Variants in GPHN observed in about 807,000 individuals in gnomAD.
GPHN encodes the protein gephyrin.
GPHN carries 17 observed loss-of-function variants against 95.5 expected under a neutral mutation model. The observed-to-expected ratio is 0.18, with a 90% CI of 0.12 to 0.27. GPHN has a LOEUF of 0.27. Among genes scored for constraint, GPHN ranks in the 10% least tolerant of loss-of-function variants. The pLI is 1.00. For missense variants in GPHN, 660 were observed against 978.1 expected, an observed-to-expected ratio of 0.67 and a Z score of 4.34; for synonymous variants, 320 against 322.5, an observed-to-expected ratio of 0.99 and a Z score of 0.08.
chr14:66,641,634 C>A, intron 1 of GPHN, among the ~76,000 whole-genome samples: 1 of 148,654 alleles, frequency 6.7e-6, no homozygotes. Context: ...CCATCAATAG[C>A]TGATAGAACA....
rs2060327278 is a variant in GPHN, at chr14:66,562,996, A to G, written c.64+54405A>G. 2.0e-5 allele frequency among the ~76,000 whole-genome samples: 3 copies of G among 151,986 alleles called. 1 individual carries two copies. Among genetic ancestry groups the G allele is most frequent in the Middle Eastern group, 6.3e-3 (2 of 316 alleles). Reference sequence around the variant, plus strand: ...TACTCTGAATTCCTTGATGTGTAAGATATATTCACAGGTTCTAGAGATTAG... The same window carrying G: ...TACTCTGAATTCCTTGATGTGTAAGGTATATTCACAGGTTCTAGAGATTAG... On this transcript the variant is annotated intron_variant, in intron 1 of 22. Transcript: ENST00000478722.
At chr14:67,266,591 G>A in the GPHN span, among the ~76,000 whole-genome samples, 2 of 152,108 alleles carry the variant, frequency 1.3e-5, no homozygotes, top group African/African-American at 4.8e-5. Context: ...CTCCCAAAGT[G>A]TTGGGATTAC....
the GPHN span, among the ~76,000 whole-genome samples, chr14:67,237,106 T>TTA: frequency 2.6e-4 from 39 of 151,196 alleles, no homozygotes; most frequent in African/African-American, 5.8e-4. Context: ...CGAAAATATA[T>TTA]TATATATATA....
the GPHN span, among the ~76,000 whole-genome samples, chr14:67,289,119 G>A: frequency 2.1e-5 from 3 of 141,494 alleles, no homozygotes; most frequent in East Asian, 2.1e-4. Flanking sequence ...GGAGCACACC[G>A]CCATAACTGG....
chr14:67,122,243 T>C lies in GPHN; in HGVS notation c.1627-13T>C, dbSNP rs779444753. On this transcript the variant is annotated splice_polypyrimidine_tract_variant and intron_variant, in intron 16 of 22. Coordinates refer to ENST00000478722, the MANE Select transcript of GPHN (RefSeq NM_020806.5). Reference sequence around the variant, plus strand: ...CTAATAGAATAATTTGTGGTGGTTTTTTGGCTTTGTAGCTGCTAAATCCTG... The same window carrying C: ...CTAATAGAATAATTTGTGGTGGTTTCTTGGCTTTGTAGCTGCTAAATCCTG... 1 of 1,613,274 alleles carries C rather than the reference T, an allele frequency of 6.2e-7. No homozygotes were observed. Among genetic ancestry groups the C allele is most frequent in the Non-Finnish European group, 8.5e-7 (1 of 1,179,250 alleles).
the GPHN span, chr14:67,555,691 C>A: frequency 7.7e-6 from 10 of 1,306,602 alleles, no homozygotes; most frequent in Non-Finnish European, 1.1e-5. Context: ...CCCTGACACT[C>A]TCGAGCCACT....
At chr14:67,009,099 T>G (rs1308464052) in intron 9 of GPHN, among the ~76,000 whole-genome samples, 1 of 152,240 alleles carries the variant, frequency 6.6e-6, no homozygotes, top group Non-Finnish European at 1.5e-5. Flanking sequence ...TGTGCTTCTT[T>G]TCCCTTTCCT....
Position 67,129,890 on chromosome 14 carries a change from A to G in GPHN, c.1748+7513A>G, listed in dbSNP as rs539755786. Among the ~76,000 whole-genome samples, 8 of 151,940 alleles carry G rather than the reference A, an allele frequency of 5.3e-5. No homozygotes were observed. The South Asian group carries it at 1.7e-3, about 32-fold the overall frequency. On this transcript the variant is annotated intron_variant, in intron 17 of 22. Coordinates refer to ENST00000478722, the MANE Select transcript of GPHN (RefSeq NM_020806.5). ...AGGGAGGAAGGCAGGAAGAAAGAGAAAGAAAGAAAGTCTTTAATGTTACCC... is the reference window on the plus strand; with the variant it reads ...AGGGAGGAAGGCAGGAAGAAAGAGAGAGAAAGAAAGTCTTTAATGTTACCC...
the GPHN span, among the ~76,000 whole-genome samples, chr14:67,499,339 C>T: frequency 6.6e-6 from 1 of 152,160 alleles, no homozygotes; most frequent in Admixed American, 6.6e-5. Flanking sequence ...GGTACACAGA[C>T]AATGTAGTCA....
At chr14:67,290,538 T>G in the GPHN span, among the ~76,000 whole-genome samples, 1 of 152,198 alleles carries the variant, frequency 6.6e-6, no homozygotes, top group Non-Finnish European at 1.5e-5. Context: ...CCACAATGCC[T>G]GGCTAATATT....
At chr14:66,618,813 G>A (rs573703312) in intron 1 of GPHN, among the ~76,000 whole-genome samples, 2 of 152,096 alleles carry the variant, frequency 1.3e-5, no homozygotes, top group South Asian at 4.1e-4. Context: ...ATGGTTTTAT[G>A]TATTATTCAT....
At chr14:67,619,816 G>C in the GPHN span, 2 of 562,018 alleles carry the variant, frequency 3.6e-6, no homozygotes, top group South Asian at 4.3e-5. Context: ...GGTGTGCCGG[G>C]GGCTGGTTGG....
the GPHN span, chr14:67,199,356 G>A: frequency 6.2e-7 from 1 of 1,613,992 alleles, no homozygotes. Flanking sequence ...CTGGATGTAG[G>A]GGCCAACATT....
chr14:66,552,843 T>C (rs2059866036), intron 1 of GPHN, among the ~76,000 whole-genome samples: 2 of 152,186 alleles, frequency 1.3e-5, no homozygotes, highest in South Asian at 4.1e-4. Context: ...GTCCCTTTTC[T>C]GGCTGCTTTC....
chr14:66,592,795 C>T (rs1056330590), intron 1 of GPHN, among the ~76,000 whole-genome samples: 6 of 152,216 alleles, frequency 3.9e-5, no homozygotes, highest in Admixed American at 3.3e-4. Flanking sequence ...AGTCCCATTA[C>T]TGGGTATATA....
the GPHN span, chr14:67,620,214 C>G: frequency 2.4e-6 from 1 of 420,550 alleles, no homozygotes; most frequent in South Asian, 2.1e-5. Flanking sequence ...AGGGGAAGAG[C>G]TGGCCGGTTC....
At chr14:66,780,067 T>C (rs1474562685) in intron 3 of GPHN, among the ~76,000 whole-genome samples, 3 of 152,134 alleles carry the variant, frequency 2.0e-5, no homozygotes, top group Non-Finnish European at 4.4e-5. Flanking sequence ...TGATAACTTA[T>C]TGGATGTTTA....
chr14:66,947,812 G>A (rs1432146076), intron 8 of GPHN, among the ~76,000 whole-genome samples: 1 of 151,972 alleles, frequency 6.6e-6, no homozygotes, highest in Non-Finnish European at 1.5e-5. Flanking sequence ...AAATTTAGCT[G>A]GATGTGGTGG....
rs562477181 is a variant in GPHN at position 66,878,055 on chromosome 14, C to G, written c.295-1884C>G. 3.9e-5 allele frequency among the ~76,000 whole-genome samples: 6 copies of G among 152,202 alleles called. No individual in the cohort carries two copies. In the East Asian group the frequency reaches 1.2e-3, roughly 29 times the overall value. ...TAGACCAATGGAACAGAACAGAGGCCTCAGAAATAACACCACACATCTACA... is the reference window on the plus strand; with the variant it reads ...TAGACCAATGGAACAGAACAGAGGCGTCAGAAATAACACCACACATCTACA... On this transcript the variant is annotated intron_variant, in intron 4 of 22. Coordinates refer to ENST00000478722, the MANE Select transcript of GPHN (RefSeq NM_020806.5).
Sources: allele counts gnomAD v4.1 joint callset (sites outside exome capture counted in the v4.1 genomes callset), GRCh38; gene constraint gnomAD v4.1.1; transcripts MANE v1.5; gene names NCBI Gene and HGNC (gene_info 2026-07-23, HGNC 2026-07-21).